The following AGAP4 variants were observed in gnomAD, a reference collection of about 807,000 sequenced individuals.
AGAP4 encodes arf-GAP with GTPase, ANK repeat and PH domain-containing protein 4.
A neutral mutation model predicts 60.7 loss-of-function variants in AGAP4; 13 were observed. The observed-to-expected ratio is 0.21, with a 90% CI of 0.14 to 0.34. The LOEUF (loss-of-function observed/expected upper bound fraction) is 0.34, where lower values mean the gene tolerates loss of function less well. Ranked by LOEUF, AGAP4 falls within the 10% of genes least tolerant of loss-of-function variation. The pLI is 1.00. For missense variants in AGAP4, 169 were observed against 884.0 expected, an observed-to-expected ratio of 0.19 and a Z score of 10.26; for synonymous variants, 70 against 339.0, an observed-to-expected ratio of 0.21 and a Z score of 8.72.
At position 45,829,292 on chromosome 10, in the gene AGAP4, C is replaced by T. The variant is rs1247886739; in HGVS notation, c.534-1212G>A. On this transcript the variant is annotated intron_variant, in intron 6 of 7. Coordinates refer to ENST00000616763, the MANE Select transcript of AGAP4 (RefSeq NM_001276343.3). The stretch of plus-strand genomic sequence containing the variant: ...TTAATGTTGTTAAATCTTGACATGT[C>T]TCTAATATTCTGAATAAGTGGAAAG... Among the ~76,000 whole-genome samples the T allele has an allele frequency of 2.2e-5, 3 of 135,718 alleles. No individual in the cohort carries two copies. In the East Asian group the frequency reaches 6.2e-4, roughly 28 times the overall value. 89.0% of individuals were successfully genotyped at this position (135,718 alleles called of 152,430 possible). A position where few individuals can be genotyped will look rare whatever the true frequency, so the allele number is the denominator to read the frequency against.
chr10:45,831,346 T>C, intron 6 of AGAP4, 48 bp downstream of exon 6: 2 of 1,564,998 alleles, frequency 1.3e-6, no homozygotes, highest in East Asian at 2.2e-5. Flanking sequence ...CTTGATATCT[T>C]GCAAAGTACT....
upstream of AGAP4, among the ~76,000 whole-genome samples, chr10:45,848,352 C>T (rs1554899891): frequency 7.0e-6 from 1 of 142,940 alleles, no homozygotes; most frequent in African/African-American, 2.6e-5. Context: ...TTTCTTCCTT[C>T]CGTGGCAGGG....
intron 3 of AGAP4, among the ~76,000 whole-genome samples, 168 bp from the exon 4 acceptor site, chr10:45,841,855 A>C (rs1229394457): frequency 6.6e-6 from 1 of 151,908 alleles, no homozygotes; most frequent in Non-Finnish European, 1.5e-5. Flanking sequence ...TTAATTTCAT[A>C]AGTCAAATCT....
At chr10:45,844,857 C>T (rs2058976415) in intron 2 of AGAP4, among the ~76,000 whole-genome samples, 1 of 133,052 alleles carries the variant, frequency 7.5e-6, no homozygotes, top group Non-Finnish European at 1.6e-5. Flanking sequence ...CCATTTCATT[C>T]TGAGGACACA....
intron 1 of AGAP4, among the ~76,000 whole-genome samples, chr10:45,852,519 C>T (rs1451425644): frequency 2.6e-5 from 4 of 151,182 alleles, no homozygotes; most frequent in Non-Finnish European, 4.4e-5. Context: ...TATGCAGTTG[C>T]AAAATGTGTG....
rs1417036426 is a variant in AGAP4 at position 45,826,948 on chromosome 10, T to G, written c.1028A>C (p.Lys343Thr). The G allele has an allele frequency of 2.1e-6, 3 of 1,399,596 alleles. No homozygotes were observed. The South Asian group carries it at 3.7e-5, about 17-fold the overall frequency. The allele number at this position is 1,399,596 out of a possible 1,614,324, so 86.7% of individuals were successfully genotyped here. The change falls in exon 8 of 8, where the codon AAG (lysine) becomes ACG (threonine). Residue 343 changes from lysine to threonine, a missense_variant. Coordinates refer to ENST00000616763, the MANE Select transcript of AGAP4 (RefSeq NM_001276343.3). The stretch of plus-strand genomic sequence containing the variant: ...GGCCGATGTGGCTAGGGATGGCCAC[T>G]TTCCTGGGACTTTGATGGTAGATGT... ...LQTSTIKVPG[K>T]WPSLATSACT...
At chr10:45,835,020 G>T (rs2058795873) in intron 4 of AGAP4, among the ~76,000 whole-genome samples, 1 of 146,220 alleles carries the variant, frequency 6.8e-6, no homozygotes, top group Admixed American at 6.7e-5. Flanking sequence ...CGATCTGCCT[G>T]CCTCAGCCTC....
chr10:45,850,065 G>C (rs1159140339), upstream of AGAP4, among the ~76,000 whole-genome samples: 1 of 151,626 alleles, frequency 6.6e-6, no homozygotes, highest in African/African-American at 2.4e-5. Context: ...AAGTAGCTGG[G>C]ATTACAGGAG....
At chr10:45,843,024 C>T (rs1486202036) in intron 3 of AGAP4, among the ~76,000 whole-genome samples, 1 of 84,864 alleles carries the variant, frequency 1.2e-5, no homozygotes, top group Non-Finnish European at 2.3e-5. Flanking sequence ...TGGCCAGGTG[C>T]GGTGGCTGAA....
intron 4 of AGAP4, among the ~76,000 whole-genome samples, chr10:45,834,674 CA>C (rs1174820110): frequency 0.013 from 200 of 15,218 alleles, no homozygotes; most frequent in African/African-American, 0.056. Context: ...GACTCCGCCT[CA>C]AAAAAAAAAA....
chr10:45,838,751 C>G (rs1400558697), intron 4 of AGAP4, among the ~76,000 whole-genome samples: 2 of 151,436 alleles, frequency 1.3e-5, no homozygotes, highest in Non-Finnish European at 2.9e-5. Flanking sequence ...GTTATTTAAC[C>G]TTTTTGTAGA....
At chr10:45,849,473 G>GATT (rs782154006), upstream of AGAP4, among the ~76,000 whole-genome samples, 5,542 of 145,038 alleles carry the variant, frequency 0.038, 71 homozygotes, top group African/African-American at 0.066. Flanking sequence ...TGATGATGAT[G>GATT]ATTATTATTA....
At chr10:45,852,688 T>C (rs1232517545) in intron 1 of AGAP4, among the ~76,000 whole-genome samples, 2 of 151,778 alleles carry the variant, frequency 1.3e-5, no homozygotes, top group African/African-American at 2.4e-5. Context: ...AAATAGGTGA[T>C]GTGTTGAAAT....
intron 3 of AGAP4, among the ~76,000 whole-genome samples, chr10:45,843,179 C>A: frequency 8.5e-6 from 1 of 118,052 alleles, no homozygotes; most frequent in Non-Finnish European, 1.7e-5. Flanking sequence ...CACCTATAGT[C>A]CCAACTACTC....
chr10:45,837,404 C>T (rs1214866472), intron 4 of AGAP4, among the ~76,000 whole-genome samples: 29 of 150,962 alleles, frequency 1.9e-4, no homozygotes, highest in Admixed American at 1.1e-3. Flanking sequence ...AGAACCGGCA[C>T]AGCCAAAACA....
upstream of AGAP4, among the ~76,000 whole-genome samples, chr10:45,850,534 T>C (rs1479901056): frequency 7.9e-5 from 12 of 152,122 alleles, no homozygotes; most frequent in African/African-American, 1.7e-4. Flanking sequence ...GTCAGATGTG[T>C]GTGTAGTGGT....
chr10:45,851,157 G>C (rs1347647985), upstream of AGAP4, among the ~76,000 whole-genome samples: 1 of 152,156 alleles, frequency 6.6e-6, no homozygotes, highest in East Asian at 1.9e-4. Context: ...TGAAGCCATG[G>C]GTGTGGAGGT....
At chr10:45,852,199 C>A (rs2059091779), upstream of AGAP4, among the ~76,000 whole-genome samples, 1 of 135,728 alleles carries the variant, frequency 7.4e-6, no homozygotes, top group East Asian at 2.2e-4. Context: ...GCGTGAGCCA[C>A]TGCACCCGGC....
upstream of AGAP4, among the ~76,000 whole-genome samples, chr10:45,849,362 G>T (rs1343767026): frequency 4.0e-5 from 6 of 151,596 alleles, no homozygotes; most frequent in Non-Finnish European, 4.4e-5. Context: ...AGGATTATGG[G>T]GATTATAATT....
Sources: gnomAD v4.1 joint callset for allele counts (sites outside exome capture counted in the v4.1 genomes callset) on GRCh38, gnomAD v4.1.1 for gene constraint, MANE v1.5 for transcripts, NCBI Gene and HGNC (gene_info 2026-07-23, HGNC 2026-07-21) for gene names.